The following CACNB4 variants were observed in gnomAD, a reference collection of about 807,000 sequenced individuals.
CACNB4 encodes calcium voltage-gated channel auxiliary subunit beta 4.
In CACNB4, 32 loss-of-function variants were observed where a neutral mutation model predicts 71.2. The observed-to-expected ratio is 0.45, with a 90% CI of 0.34 to 0.60. The LOEUF is 0.60. CACNB4 is among the 20% of genes least tolerant of loss of function. The pLI is 0.01. For missense variants in CACNB4, 464 were observed against 647.9 expected (o/e 0.72, Z 3.08); for synonymous variants, 231 against 236.9 (o/e 0.97, Z 0.23).
chr2:151,974,058 C>T (rs1032254050), intron 2 of CACNB4: 8 of 799,448 alleles, frequency 1.0e-5, no homozygotes, highest in East Asian at 7.8e-5. Context: ...GAGTGGAGGG[C>T]GCCTCGGAGC....
chr2:151,870,797 A>T, intron 7 of CACNB4, 45 bp downstream of exon 7: 1 of 1,517,726 alleles, frequency 6.6e-7, no homozygotes. Flanking sequence ...AGGCATGTAT[A>T]TATAGGAACC....
At chr2:151,891,450 C>T (rs2099850700) in intron 2 of CACNB4, among the ~76,000 whole-genome samples, 1 of 152,144 alleles carries the variant, frequency 6.6e-6, no homozygotes, top group African/African-American at 2.4e-5. Flanking sequence ...AGGGTAGATT[C>T]CTTTTGTTAG....
At chr2:151,999,185 C>T (rs915560194) in intron 2 of CACNB4, among the ~76,000 whole-genome samples, 8 of 152,156 alleles carry the variant, frequency 5.3e-5, no homozygotes, top group Admixed American at 2.6e-4. Context: ...CTAGATGGCG[C>T]AGGTGGTGCT....
chr2:151,944,680 T>A (rs564953375), intron 2 of CACNB4, among the ~76,000 whole-genome samples: 10 of 152,222 alleles, frequency 6.6e-5, no homozygotes, highest in African/African-American at 2.4e-4. Flanking sequence ...TAATCCCAGA[T>A]ACTCAGGAGG....
At chr2:151,988,749 T>A (rs1681520560) in intron 2 of CACNB4, among the ~76,000 whole-genome samples, 1 of 152,024 alleles carries the variant, frequency 6.6e-6, no homozygotes, top group Non-Finnish European at 1.5e-5. Context: ...ACTAATCCCA[T>A]CATGGGGGCT....
In CACNB4 at chr2:151,832,816, C is replaced by T. The variant is rs1357403205; in HGVS notation, c.*6303G>A. 1 of 151,810 alleles carries T rather than the reference C, an allele frequency of 6.6e-6. No individual in the cohort carries two copies. Among genetic ancestry groups the T allele is most frequent in the Non-Finnish European group, 1.5e-5 (1 of 67,914 alleles). The allele number at this position is 151,810 out of a possible 1,614,324, so 9.4% of individuals were successfully genotyped here. On this transcript the variant is annotated 3_prime_UTR_variant, in exon 14 of 14. Coordinates refer to ENST00000539935, the MANE Select transcript of CACNB4 (RefSeq NM_000726.5). ...ATTATATAAAAGAAAAAAAGTAATG[C>T]AGTTGTTTTGTACACATTTAAATTC...
In CACNB4 at chr2:151,839,168, T is replaced by C. The variant is rs2099835534; in HGVS notation, c.1514A>G (p.Asn505Ser). The change falls in exon 14 of 14, where the codon AAC becomes AGC. Residue 505 changes from asparagine to serine, a missense_variant. By Grantham distance (46) the Asn-to-Ser change is conservative (BLOSUM62 1). Around this residue, in one of 3 missense-constraint regions of CACNB4, gnomAD observed 115 missense variants for 128.8 expected, o/e 0.89. Coordinates refer to ENST00000539935, the MANE Select transcript of CACNB4 (RefSeq NM_000726.5). The stretch of plus-strand genomic sequence containing the variant: ...GCTATATCCCCCAGGTGATCCTCGG[T>C]TCCTATGGGGTTTGTAAGTGTCCTG... ...SYQDTYKPHR[N>S]RGSPGGYSHD... 6.2e-7 allele frequency: 1 copy of C among 1,613,496 alleles called. No homozygotes were observed. The highest frequency in any genetic ancestry group is 1.1e-5 in the South Asian group (1 of 91,062).
intron 2 of CACNB4, among the ~76,000 whole-genome samples, chr2:151,951,070 G>A (rs1159825318): frequency 2.0e-5 from 3 of 151,952 alleles, no homozygotes; most frequent in East Asian, 1.9e-4. Context: ...TCAGCCTCCC[G>A]AGTACCTGGG....
chr2:152,083,565 A>G (rs751440262), intron 2 of CACNB4, among the ~76,000 whole-genome samples: 16 of 152,216 alleles, frequency 1.1e-4, no homozygotes, highest in Non-Finnish European at 2.2e-4. Context: ...CACAGTGTTA[A>G]ATGAACCGCA....
intron 9 of CACNB4, among the ~76,000 whole-genome samples, chr2:151,863,458 A>G (rs2099842267): frequency 6.6e-6 from 1 of 152,232 alleles, no homozygotes; most frequent in Admixed American, 6.5e-5. Context: ...GAGCAATCCA[A>G]ATATATGACG....
chr2:151,853,583 G>T (rs1161539285), intron 11 of CACNB4, 40 bp from the exon 12 acceptor site: 2 of 1,169,838 alleles, frequency 1.7e-6, no homozygotes, highest in African/African-American at 3.1e-5. Flanking sequence ...TTGTAGATGA[G>T]TTGAAAGAAA....
At chr2:151,941,250 T>C (rs1212452993) in intron 2 of CACNB4, among the ~76,000 whole-genome samples, 2 of 151,712 alleles carry the variant, frequency 1.3e-5, no homozygotes, top group African/African-American at 4.8e-5. Context: ...TTATAAGCAC[T>C]GAATTGTTCA....
In CACNB4 at chr2:151,949,972, C is replaced by A. The variant is rs373569871; in HGVS notation, c.148-66602G>T. Among the ~76,000 whole-genome samples, 9 of 151,920 alleles carry A rather than the reference C, an allele frequency of 5.9e-5. 1 individual carries two copies. The highest frequency in any genetic ancestry group is 3.9e-4 in the Admixed American group (6 of 15,256). ...CTGAGGCAAGATAATCACTTGAACC[C>A]GGGAGGTGGAGGTTGCAGTGAGCTG... On this transcript the variant is annotated intron_variant, in intron 2 of 13. Transcript: ENST00000539935.
At chr2:152,090,906 C>T (rs1001030915) in intron 2 of CACNB4, among the ~76,000 whole-genome samples, 5 of 150,916 alleles carry the variant, frequency 3.3e-5, no homozygotes, top group African/African-American at 1.2e-4. Flanking sequence ...GTTAGCCAGG[C>T]ATGTTGGCAG....
chr2:151,955,130 C>T (rs1424288185), intron 2 of CACNB4, among the ~76,000 whole-genome samples: 6 of 152,118 alleles, frequency 3.9e-5, no homozygotes, highest in African/African-American at 1.4e-4. Flanking sequence ...GCTGGGATTA[C>T]AGGCGTGAGC....
chr2:152,023,286 GTGGGGATTA>G (rs1196176626), intron 2 of CACNB4, among the ~76,000 whole-genome samples: 2 of 152,086 alleles, frequency 1.3e-5, no homozygotes, highest in Non-Finnish European at 2.9e-5. Flanking sequence ...CCCTCAACAC[GTGGGGATTA>G]TGGGGATTAC....
rs148965165 is a variant in CACNB4, at chr2:151,925,097, T to A, written c.148-41727A>T. 3.3e-5 allele frequency among the ~76,000 whole-genome samples: 5 copies of A among 152,316 alleles called. No homozygotes were observed. The East Asian group carries it at 9.6e-4, about 29-fold the overall frequency. On this transcript the variant is annotated intron_variant, in intron 2 of 13. Coordinates refer to ENST00000539935, the MANE Select transcript of CACNB4 (RefSeq NM_000726.5). ...CCATTGGATTTTATTCTTCTTTGTA[T>A]CCCCAGCACCCAGTGGAGTACCTGG...
intron 2 of CACNB4, among the ~76,000 whole-genome samples, chr2:152,028,658 A>C (rs1400792022): frequency 6.6e-6 from 1 of 152,252 alleles, no homozygotes; most frequent in Non-Finnish European, 1.5e-5. Context: ...CCAAATGAGC[A>C]ATCTGTTGGT....
chr2:152,050,393 C>A (rs563976289), intron 2 of CACNB4, among the ~76,000 whole-genome samples: 1 of 152,306 alleles, frequency 6.6e-6, no homozygotes, highest in African/African-American at 2.4e-5. Flanking sequence ...TGAGCCACAT[C>A]AAATGCAACA....
Sources: gnomAD v4.1 joint callset for allele counts (sites outside exome capture counted in the v4.1 genomes callset) on GRCh38, gnomAD v4.1.1 for gene constraint, gnomAD v4.1.1 regional missense constraint, MANE v1.5 for transcripts, NCBI Gene and HGNC (gene_info 2026-07-23, HGNC 2026-07-21) for gene names.